CACNA2D3: variants seen among roughly 807,000 people sequenced by gnomAD.
The protein encoded by CACNA2D3 is calcium voltage-gated channel auxiliary subunit alpha2delta 3.
Under a neutral mutation model 160.6 loss-of-function variants are expected in CACNA2D3, and 60 were observed. The observed-to-expected ratio is 0.37, with a 90% confidence interval of 0.30 to 0.46. The LOEUF is 0.46. CACNA2D3 is among the 20% of genes least tolerant of loss of function. The pLI is 1.00. For synonymous variants in CACNA2D3, 558 were observed against 492.9 expected (o/e 1.13, Z -1.75); for missense variants, 1,205 against 1,365.0 (o/e 0.88, Z 1.85).
At chr3:54,184,464 A>G (rs563706741) in intron 2 of CACNA2D3, among the ~76,000 whole-genome samples, 1 of 152,344 alleles carries the variant, frequency 6.6e-6, no homozygotes, top group African/African-American at 2.4e-5. Flanking sequence ...ATGAGCTTAG[A>G]GTCCTGAGGT....
chr3:54,397,562 A>G (rs1176141429), intron 4 of CACNA2D3, among the ~76,000 whole-genome samples: 1 of 143,370 alleles, frequency 7.0e-6, no homozygotes, highest in Non-Finnish European at 1.5e-5. Context: ...TTCTGTCTTC[A>G]TTTCGTTATG....
At chr3:54,617,153 C>T (rs1360382456) in intron 9 of CACNA2D3, among the ~76,000 whole-genome samples, 3 of 152,150 alleles carry the variant, frequency 2.0e-5, no homozygotes, top group African/African-American at 4.8e-5. Flanking sequence ...GCAGTGAGAG[C>T]ATGCATGTGG....
At chr3:55,005,283 T>A (rs1703070177) in intron 32 of CACNA2D3, among the ~76,000 whole-genome samples, 2 of 151,430 alleles carry the variant, frequency 1.3e-5, no homozygotes, top group Non-Finnish European at 1.5e-5. Flanking sequence ...CTCAAAAAAA[T>A]TAAATTAAAT....
intron 18 of CACNA2D3, among the ~76,000 whole-genome samples, chr3:54,876,660 G>A (rs924198331): frequency 3.9e-5 from 6 of 152,252 alleles, no homozygotes; most frequent in African/African-American, 4.8e-5. Flanking sequence ...TCAAGAGGCA[G>A]AGGCCTCGTT....
intron 4 of CACNA2D3, among the ~76,000 whole-genome samples, chr3:54,447,198 T>G (rs568761565): frequency 6.6e-6 from 1 of 152,342 alleles, no homozygotes; most frequent in East Asian, 1.9e-4. Context: ...GTTTTTGCTT[T>G]TCTTAAAAAT....
chr3:54,491,024 G>T (rs746225346), intron 4 of CACNA2D3, among the ~76,000 whole-genome samples: 1 of 152,114 alleles, frequency 6.6e-6, no homozygotes, highest in African/African-American at 2.4e-5. Flanking sequence ...GAATATATAC[G>T]TATCTCATTA....
intron 11 of CACNA2D3, among the ~76,000 whole-genome samples, chr3:54,720,663 C>A (rs1701151786): frequency 6.6e-6 from 1 of 151,982 alleles, no homozygotes; most frequent in Non-Finnish European, 1.5e-5. Context: ...GCTGTATTTG[C>A]TTATTCTATC....
At chr3:54,330,124 T>C (rs1447375642) in intron 3 of CACNA2D3, among the ~76,000 whole-genome samples, 1 of 152,160 alleles carries the variant, frequency 6.6e-6, no homozygotes, top group Admixed American at 6.5e-5. Flanking sequence ...CCAGGCTTAC[T>C]GGCAGCCTGA....
At chr3:54,832,695 C>T (rs1384096987) in intron 14 of CACNA2D3, among the ~76,000 whole-genome samples, 3 of 152,186 alleles carry the variant, frequency 2.0e-5, no homozygotes, top group South Asian at 2.1e-4. Flanking sequence ...CGAATGAGAG[C>T]CAGCATGCCA....
intron 4 of CACNA2D3, among the ~76,000 whole-genome samples, chr3:54,499,710 T>A (rs139154782): frequency 1.1e-4 from 16 of 152,302 alleles, no homozygotes; most frequent in African/African-American, 3.6e-4. Flanking sequence ...TTTTTTGTTA[T>A]TGATTTCCAG....
intron 3 of CACNA2D3, among the ~76,000 whole-genome samples, chr3:54,360,400 A>G (rs536754881): frequency 4.7e-4 from 71 of 152,304 alleles, no homozygotes; most frequent in Non-Finnish European, 6.3e-4. Context: ...ATTTTTAATA[A>G]AAGTGACAGA....
At chr3:54,401,601 T>G (rs1266293123) in intron 4 of CACNA2D3, among the ~76,000 whole-genome samples, 1 of 152,164 alleles carries the variant, frequency 6.6e-6, no homozygotes, top group Non-Finnish European at 1.5e-5. Flanking sequence ...ATGAAAATTT[T>G]AAAGTACTGA....
chr3:54,521,165 T>A (rs7432776), intron 5 of CACNA2D3, among the ~76,000 whole-genome samples: 12 of 151,956 alleles, frequency 7.9e-5, no homozygotes, highest in Non-Finnish European at 1.5e-4. Flanking sequence ...TGTGTTTTAC[T>A]GTTTGAAAAA....
intron 4 of CACNA2D3, among the ~76,000 whole-genome samples, chr3:54,475,436 G>C (rs1700811787): frequency 6.6e-6 from 1 of 152,124 alleles, no homozygotes; most frequent in African/African-American, 2.4e-5. Context: ...GTTTTGCTTT[G>C]TTTTATTTTG....
At chr3:54,735,994 CATATAT>C (rs765236307) in intron 11 of CACNA2D3, among the ~76,000 whole-genome samples, 1 of 73,350 alleles carries the variant, frequency 1.4e-5, no homozygotes, top group Non-Finnish European at 3.0e-5. Context: ...TATATATATA[CATATAT>C]ATATATGTAT....
intron 35 of CACNA2D3, among the ~76,000 whole-genome samples, chr3:55,050,124 G>A (rs1009335604): frequency 4.2e-4 from 63 of 151,580 alleles, no homozygotes; most frequent in Admixed American, 4.6e-4. Flanking sequence ...ATATTGTTAT[G>A]TATGAATTTG....
chr3:54,815,431 G>C (rs1703427353), intron 13 of CACNA2D3, among the ~76,000 whole-genome samples: 1 of 152,074 alleles, frequency 6.6e-6, no homozygotes, highest in Non-Finnish European at 1.5e-5. Flanking sequence ...AGAGAGCCCT[G>C]GTCTTCTTTT....
intron 31 of CACNA2D3, among the ~76,000 whole-genome samples, chr3:55,003,959 G>T (rs1703035284): frequency 6.6e-6 from 1 of 152,304 alleles, no homozygotes; most frequent in Non-Finnish European, 1.5e-5. Context: ...ACTGCTTCAA[G>T]TCAAAGCACC....
intron 14 of CACNA2D3, among the ~76,000 whole-genome samples, chr3:54,822,738 CTTT>C (rs1186154041): frequency 4.3e-5 from 2 of 46,852 alleles, no homozygotes; most frequent in Admixed American, 2.4e-4. Flanking sequence ...TATTTTCTTT[CTTT>C]CTTTCTTTCT....
Sources: allele counts gnomAD v4.1 joint callset (sites outside exome capture counted in the v4.1 genomes callset), GRCh38; gene constraint gnomAD v4.1.1; transcripts MANE v1.5; gene names NCBI Gene and HGNC (gene_info 2026-07-23, HGNC 2026-07-21).